The following ERCC8 variants were observed in gnomAD, a reference collection of about 807,000 sequenced individuals.
The protein encoded by ERCC8 is ERCC excision repair 8, CSA ubiquitin ligase complex subunit.
ERCC8 carries 52 observed loss-of-function variants against 54.9 expected under a neutral mutation model. The ratio of observed to expected loss-of-function variants is 0.95; its 90% CI spans 0.76 to 1.19. The LOEUF (loss-of-function observed/expected upper bound fraction) is 1.19. ERCC8 is among the 50% of genes most tolerant of loss of function. ERCC8 has a pLI of 0.00. For missense variants in ERCC8, 514 were observed against 466.1 expected (o/e 1.10, Z -0.95); for synonymous variants, 146 against 157.2 (o/e 0.93, Z 0.53).
At chr5:60,901,874 G>A (rs1343673368) in intron 7 of ERCC8, among the ~76,000 whole-genome samples, 1 of 151,976 alleles carries the variant, frequency 6.6e-6, no homozygotes, top group Admixed American at 6.6e-5. Flanking sequence ...TCCTCTCAGA[G>A]TTAAGTGATC....
rs374898751 is a variant in ERCC8 at position 60,887,040 on chromosome 5, G to A, written c.1122+400C>T. On this transcript the variant is annotated intron_variant, in intron 11 of 11. Transcript: ENST00000676185. ...GATACCAAGTTGAATGTCCAACCAT[G>A]ATATGAACTATGTTAAAAAACATAT... Among the ~76,000 whole-genome samples the A allele has an allele frequency of 8.5e-5, 13 of 152,250 alleles. No individual in the cohort carries two copies. In the East Asian group the frequency reaches 1.5e-3, roughly 18 times the overall value.
At chr5:60,879,555 G>C (rs1359981611) in intron 11 of ERCC8, among the ~76,000 whole-genome samples, 1 of 152,202 alleles carries the variant, frequency 6.6e-6, no homozygotes, top group Non-Finnish European at 1.5e-5. Flanking sequence ...GGGTGCTCCT[G>C]TATTGGGTGC....
intron 4 of ERCC8, among the ~76,000 whole-genome samples, chr5:60,915,972 G>A (rs1354954681): frequency 6.6e-6 from 1 of 151,814 alleles, no homozygotes; most frequent in Admixed American, 6.6e-5. Context: ...TCCCCTCTAG[G>A]TGCCCTAAGA....
intron 1 of ERCC8, among the ~76,000 whole-genome samples, chr5:60,936,860 A>G (rs1312865823): frequency 6.6e-6 from 1 of 152,148 alleles, no homozygotes; most frequent in Non-Finnish European, 1.5e-5. Context: ...TTGTTTTATC[A>G]TATTACCAGA....
chr5:60,927,182 C>T (rs560886111), intron 2 of ERCC8, among the ~76,000 whole-genome samples: 1 of 152,292 alleles, frequency 6.6e-6, no homozygotes, highest in East Asian at 1.9e-4. Flanking sequence ...TAAAATAACA[C>T]CTTACTTTGA....
At chr5:60,901,434 T>TA (rs770120973) in intron 7 of ERCC8, among the ~76,000 whole-genome samples, 3 of 152,024 alleles carry the variant, frequency 2.0e-5, no homozygotes, top group Non-Finnish European at 4.4e-5. Flanking sequence ...TATGGGCCCT[T>TA]AATCAGCTCC....
intron 11 of ERCC8, among the ~76,000 whole-genome samples, chr5:60,876,947 T>C (rs1240979551): frequency 2.6e-5 from 4 of 152,176 alleles, no homozygotes; most frequent in Admixed American, 6.5e-5. Context: ...AGACATGAAG[T>C]CCTTGCCCAT....
chr5:60,943,319 G>A (rs1750320136), intron 1 of ERCC8, among the ~76,000 whole-genome samples: 1 of 152,006 alleles, frequency 6.6e-6, no homozygotes, highest in African/African-American at 2.4e-5. Context: ...TGTCTTAAAC[G>A]TATAAGCAAT....
At chr5:60,892,138 C>A in intron 9 of ERCC8, 1 of 477,128 alleles carries the variant, frequency 2.1e-6, no homozygotes. Flanking sequence ...ATCCACCTTA[C>A]TGTTTTTTTT....
At chr5:60,940,360 C>T (rs1003722592) in intron 1 of ERCC8, among the ~76,000 whole-genome samples, 9 of 152,208 alleles carry the variant, frequency 5.9e-5, no homozygotes, top group Non-Finnish European at 1.0e-4. Flanking sequence ...ATCAGAGTCC[C>T]GATCCCAAGA....
At chr5:60,911,540 T>G (rs1211911419) in intron 4 of ERCC8, among the ~76,000 whole-genome samples, 5 of 152,136 alleles carry the variant, frequency 3.3e-5, no homozygotes. Flanking sequence ...ATTCTGTAGG[T>G]TGCATGTTCA....
chr5:60,943,179 G>C (rs2112553889), intron 1 of ERCC8, among the ~76,000 whole-genome samples: 1 of 152,186 alleles, frequency 6.6e-6, no homozygotes, highest in Non-Finnish European at 1.5e-5. Flanking sequence ...GATGAGATGG[G>C]AGGATCATTT....
intron 11 of ERCC8, among the ~76,000 whole-genome samples, chr5:60,877,639 T>C (rs1748055766): frequency 6.6e-6 from 1 of 152,222 alleles, no homozygotes; most frequent in Admixed American, 6.5e-5. Context: ...TTGAAGCAAT[T>C]GTGAATGGAA....
chr5:60,904,656 AT>A, intron 5 of ERCC8, 135 bp downstream of exon 5: 1 of 132,018 alleles, frequency 7.6e-6, no homozygotes. Context: ...ATATATATAT[AT>A]ATATATATAT....
intron 4 of ERCC8, among the ~76,000 whole-genome samples, chr5:60,913,041 G>T (rs1488748994): frequency 6.6e-6 from 1 of 152,152 alleles, no homozygotes; most frequent in Admixed American, 6.5e-5. Flanking sequence ...TGGGATATTG[G>T]TGTAAATTTC....
At chr5:60,895,909 C>T (rs1748710002) in intron 9 of ERCC8, among the ~76,000 whole-genome samples, 1 of 152,224 alleles carries the variant, frequency 6.6e-6, no homozygotes, top group Non-Finnish European at 1.5e-5. Context: ...TGAACCAGGG[C>T]ATTAACTTTT....
chr5:60,905,141 C>T (rs1749032947), intron 4 of ERCC8, among the ~76,000 whole-genome samples: 1 of 152,090 alleles, frequency 6.6e-6, no homozygotes, highest in East Asian at 1.9e-4. Flanking sequence ...TCACCATATT[C>T]CTCTCCACCC....
intron 1 of ERCC8, among the ~76,000 whole-genome samples, chr5:60,938,952 GTAAAGTATTT>G (rs1316514520): frequency 2.0e-5 from 3 of 151,988 alleles, no homozygotes; most frequent in Non-Finnish European, 4.4e-5. Flanking sequence ...CAAGAATTTT[GTAAAGTATTT>G]TAAAATATTT....
intron 1 of ERCC8, among the ~76,000 whole-genome samples, chr5:60,933,883 G>T (rs1157376062): frequency 6.6e-6 from 1 of 151,948 alleles, no homozygotes; most frequent in Non-Finnish European, 1.5e-5. Context: ...TTCCACCCAG[G>T]TCACTGTAAA....
Sources: allele counts gnomAD v4.1 joint callset (sites outside exome capture counted in the v4.1 genomes callset), GRCh38; gene constraint gnomAD v4.1.1; transcripts MANE v1.5; gene names NCBI Gene and HGNC (gene_info 2026-07-23, HGNC 2026-07-21).